Variants in LHFPL2 observed in about 807,000 individuals in gnomAD.
The protein encoded by LHFPL2 is LHFPL tetraspan subfamily member 2 protein.
LHFPL2 carries 7 observed loss-of-function variants against 17.5 expected under a neutral mutation model. That is an observed-to-expected ratio of 0.40 (90% CI 0.23 to 0.75). The LOEUF (loss-of-function observed/expected upper bound fraction) is 0.75. Among genes scored for constraint, LHFPL2 ranks in the 30% least tolerant of loss-of-function variants. The pLI, the probability that LHFPL2 is intolerant of heterozygous loss-of-function variation, is 0.37. For synonymous variants in LHFPL2, 134 were observed against 116.2 expected, an observed-to-expected ratio of 1.15 and a Z score of -0.99; for missense variants, 241 against 294.8, an observed-to-expected ratio of 0.82 and a Z score of 1.34.
At chr5:78,524,216 C>T (rs761280008) in intron 3 of LHFPL2, among the ~76,000 whole-genome samples, 33 of 152,338 alleles carry the variant, frequency 2.2e-4, no homozygotes, top group Non-Finnish European at 4.1e-4. Context: ...GCTCCTCGGC[C>T]TCACAGCCTT....
intron 3 of LHFPL2, among the ~76,000 whole-genome samples, chr5:78,553,803 A>G (rs1756505470): frequency 6.6e-6 from 1 of 152,196 alleles, no homozygotes; most frequent in South Asian, 2.1e-4. Flanking sequence ...TGGAAAAAAT[A>G]CCGTAATTTC....
chr5:78,487,237 T>TA lies in LHFPL2; in HGVS notation c.*1659dup, dbSNP rs916842697. On this transcript the variant is annotated 3_prime_UTR_variant, in exon 5 of 5. Coordinates refer to ENST00000380345, the MANE Select transcript of LHFPL2 (RefSeq NM_005779.3). The stretch of plus-strand genomic sequence containing the variant: ...ATATAGGCCAAACACCAGAATGTAG[T>TA]AAAACTGCGGTTGTCCCATTCCATC... 3 of 151,826 alleles carry TA rather than the reference T, an allele frequency of 2.0e-5. No individual in the cohort carries two copies. The highest frequency in any genetic ancestry group is 4.4e-5 in the Non-Finnish European group (3 of 67,794). 9.4% of individuals were successfully genotyped at this position (151,826 alleles called of 1,614,324 possible).
At chr5:78,570,353 G>T (rs1029568922) in intron 2 of LHFPL2, among the ~76,000 whole-genome samples, 1 of 152,106 alleles carries the variant, frequency 6.6e-6, no homozygotes, top group Non-Finnish European at 1.5e-5. Context: ...AGAAGAAAGC[G>T]CAGGAGGCAA....
chr5:78,497,757 A>T (rs888480569), intron 4 of LHFPL2, among the ~76,000 whole-genome samples: 1 of 152,266 alleles, frequency 6.6e-6, no homozygotes, highest in East Asian at 1.9e-4. Context: ...ACACATGTGC[A>T]GACCAAACCA....
At chr5:78,580,166 C>G (rs1743061345) in intron 2 of LHFPL2, among the ~76,000 whole-genome samples, 2 of 152,088 alleles carry the variant, frequency 1.3e-5, no homozygotes, top group Non-Finnish European at 2.9e-5. Context: ...AGTGTCTGTT[C>G]ATGTCCTTCA....
chr5:78,510,160 A>G lies in LHFPL2; in HGVS notation c.54T>C (p.Ile18=). ...CRSMLWTLLS[I]VVAFAELIAF... ...CAATGAGCTCGGCAAAAGCCACCACAATACTCAGCAAGGTCCAGAGCATCG... is the reference window on the plus strand; with the variant it reads ...CAATGAGCTCGGCAAAAGCCACCACGATACTCAGCAAGGTCCAGAGCATCG... The change falls in exon 4 of 5, where the codon ATT becomes ATC. Residue 18 remains isoleucine, a synonymous_variant. Coordinates refer to ENST00000380345, the MANE Select transcript of LHFPL2 (RefSeq NM_005779.3). 6.2e-7 allele frequency: 1 copy of G among 1,611,810 alleles called. No individual in the cohort carries two copies. Among genetic ancestry groups the G allele is most frequent in the African/African-American group, 1.3e-5 (1 of 74,958 alleles).
chr5:78,631,439 A>G (rs1745243448), intron 2 of LHFPL2, among the ~76,000 whole-genome samples: 1 of 152,216 alleles, frequency 6.6e-6, no homozygotes, highest in Non-Finnish European at 1.5e-5. Flanking sequence ...AATCTGCTCC[A>G]TGCCAGAAAC....
intron 2 of LHFPL2, among the ~76,000 whole-genome samples, chr5:78,602,289 A>T (rs1744048317): frequency 6.6e-6 from 1 of 152,264 alleles, no homozygotes; most frequent in Admixed American, 6.5e-5. Flanking sequence ...TGTAAAATAG[A>T]AAGATTTCTG....
intron 2 of LHFPL2, among the ~76,000 whole-genome samples, chr5:78,578,540 T>A (rs1757190375): frequency 6.6e-6 from 1 of 151,416 alleles, no homozygotes. Context: ...ATAGCCACAT[T>A]TACCCCTGTT....
At chr5:78,581,171 T>A (rs1021742483) in intron 2 of LHFPL2, among the ~76,000 whole-genome samples, 17 of 152,340 alleles carry the variant, frequency 1.1e-4, no homozygotes, top group African/African-American at 4.1e-4. Context: ...TGTATAAGAA[T>A]GCTTGTGATT....
chr5:78,504,361 C>A (rs1481194140), intron 4 of LHFPL2, among the ~76,000 whole-genome samples: 1 of 152,180 alleles, frequency 6.6e-6, no homozygotes, highest in African/African-American at 2.4e-5. Context: ...GTGTGCCAGG[C>A]ATCTCCGTCC....
In LHFPL2 at chr5:78,606,865, C is replaced by T. The variant is rs796177515; in HGVS notation, c.-245+25399G>A. 4.0e-5 allele frequency among the ~76,000 whole-genome samples: 6 copies of T among 150,814 alleles called. No homozygotes were observed. In the South Asian group the frequency reaches 1.1e-3, roughly 27 times the overall value. On this transcript the variant is annotated intron_variant, in intron 2 of 4. Transcript: ENST00000380345. ...ACTTTTTAAATATTTTTAGTAGAGA[C>T]GGGGTTTCACCATGTTGGCCAGGCT...
rs572022985 is a variant in LHFPL2, at chr5:78,556,332, A to G, written c.-186+8481T>C. Among the ~76,000 whole-genome samples, 62 of 152,372 alleles carry G rather than the reference A, an allele frequency of 4.1e-4. 1 individual carries two copies. The highest frequency in any genetic ancestry group is 3.7e-3 in the South Asian group (18 of 4,830). On this transcript the variant is annotated intron_variant, in intron 3 of 4. Coordinates refer to ENST00000380345, the MANE Select transcript of LHFPL2 (RefSeq NM_005779.3). Reference sequence around the variant, plus strand: ...AGTTTCACCTAAAGGACAAACATGAACAAACAATTCAGAAAAGACAAACTT... The same window carrying G: ...AGTTTCACCTAAAGGACAAACATGAGCAAACAATTCAGAAAAGACAAACTT...
chr5:78,628,369 G>A (rs1745130068), intron 2 of LHFPL2, among the ~76,000 whole-genome samples: 1 of 152,182 alleles, frequency 6.6e-6, no homozygotes, highest in Non-Finnish European at 1.5e-5. Context: ...CAGGCCAATG[G>A]GATTAGTAAT....
chr5:78,561,366 C>T (rs1423957137), intron 3 of LHFPL2, among the ~76,000 whole-genome samples: 1 of 152,190 alleles, frequency 6.6e-6, no homozygotes, highest in African/African-American at 2.4e-5. Context: ...GGGGAGACTA[C>T]CGTATCGGAT....
At chr5:78,507,945 C>T (rs891636236) in intron 4 of LHFPL2, among the ~76,000 whole-genome samples, 94 of 52,260 alleles carry the variant, frequency 1.8e-3, no homozygotes, top group African/African-American at 0.011. Flanking sequence ...CATGCATACA[C>T]ACACACACAC....
Position 78,534,376 on chromosome 5 carries a change from C to T in LHFPL2, c.-185-23978G>A, listed in dbSNP as rs573926156. ...TGCTCTGCCTCCAGCCGTGTGTCCT[C>T]GAGCAGGCTGCACTGCTCTTCCAGG... On this transcript the variant is annotated intron_variant, in intron 3 of 4. Transcript: ENST00000380345. Among the ~76,000 whole-genome samples the T allele has an allele frequency of 7.2e-5, 11 of 152,292 alleles. 2 individuals are homozygous for T. The highest frequency in any genetic ancestry group is 6.2e-4 in the South Asian group (3 of 4,824).
intron 2 of LHFPL2, among the ~76,000 whole-genome samples, chr5:78,575,480 C>T (rs1757106940): frequency 6.6e-6 from 1 of 151,952 alleles, no homozygotes; most frequent in African/African-American, 2.4e-5. Flanking sequence ...ACCTGGGAGG[C>T]GGAGGTTGCA....
At chr5:78,634,792 G>C (rs1384601113) in intron 1 of LHFPL2, among the ~76,000 whole-genome samples, 2 of 152,240 alleles carry the variant, frequency 1.3e-5, no homozygotes, top group Non-Finnish European at 2.9e-5. Flanking sequence ...AGAACAGACA[G>C]TTCTTATCAA....
Sources: gnomAD v4.1 joint callset for allele counts (sites outside exome capture counted in the v4.1 genomes callset) on GRCh38, gnomAD v4.1.1 for gene constraint, MANE v1.5 for transcripts, NCBI Gene and HGNC (gene_info 2026-07-23, HGNC 2026-07-21) for gene names.